Variants in HACD2 observed in about 807,000 individuals in gnomAD.
HACD2 encodes very-long-chain (3R)-3-hydroxyacyl-CoA dehydratase 2.
Under a neutral mutation model 31.0 loss-of-function variants are expected in HACD2, and 15 were observed. The ratio of observed to expected loss-of-function variants is 0.48; its 90% CI spans 0.32 to 0.75. The LOEUF (loss-of-function observed/expected upper bound fraction) is 0.75. Ranked by LOEUF, HACD2 falls within the 30% of genes least tolerant of loss-of-function variation. The pLI, the probability that HACD2 is intolerant of heterozygous loss-of-function variation, is 0.03. For synonymous variants in HACD2, 115 were observed against 122.2 expected (o/e 0.94, Z 0.39); for missense variants, 283 against 313.0 (o/e 0.90, Z 0.72).
At chr3:123,563,239 G>A (rs1311076754) in intron 3 of HACD2, among the ~76,000 whole-genome samples, 1 of 152,212 alleles carries the variant, frequency 6.6e-6, no homozygotes, top group African/African-American at 2.4e-5. Flanking sequence ...TATTATAGAA[G>A]AGTGAGGAAG....
At chr3:123,573,111 A>G (rs920436643) in intron 2 of HACD2, among the ~76,000 whole-genome samples, 3 of 152,190 alleles carry the variant, frequency 2.0e-5, no homozygotes, top group Non-Finnish European at 2.9e-5. Context: ...GTCCATAACC[A>G]ATTTGAGTTA....
intron 3 of HACD2, among the ~76,000 whole-genome samples, chr3:123,537,197 A>T (rs1257200922): frequency 1.3e-5 from 2 of 152,236 alleles, no homozygotes; most frequent in African/African-American, 4.8e-5. Context: ...AAATGTCCTT[A>T]ATAGAGTTAA....
Position 123,500,629 on chromosome 3 carries a change from C to A in HACD2, c.568G>T (p.Ala190Ser). The change falls in exon 6 of 7, where the codon GCT becomes TCT. Residue 190 changes from alanine (A) to serine (S), a missense_variant. Around this residue, in one of 3 missense-constraint regions of HACD2, gnomAD observed 85 missense variants for 129.6 expected, o/e 0.66. Transcript: ENST00000383657. ...CCAGCTTGTCTGACAAAGGGCAGAG[C>A]TGCATATATTGTGAGCAGTTCTCCT... Reference protein sequence around the residue: ...VSGELLTIYAALPFVRQAGLY... With the variant: ...VSGELLTIYASLPFVRQAGLY... 1 of 1,613,420 alleles carries A rather than the reference C, an allele frequency of 6.2e-7. No homozygotes were observed. The highest frequency in any genetic ancestry group is 8.5e-7 in the Non-Finnish European group (1 of 1,179,454).
At chr3:123,539,891 T>C (rs1206141305) in intron 3 of HACD2, among the ~76,000 whole-genome samples, 1 of 105,566 alleles carries the variant, frequency 9.5e-6, no homozygotes, top group Non-Finnish European at 1.7e-5. Context: ...CTGGGAAACA[T>C]GGCAAGGCCT....
chr3:123,515,518 A>G (rs2056123231), intron 4 of HACD2, among the ~76,000 whole-genome samples: 1 of 152,110 alleles, frequency 6.6e-6, no homozygotes, highest in African/African-American at 2.4e-5. Context: ...GGCAGCTCCT[A>G]AGGGGCTGCA....
At chr3:123,507,384 A>C (rs2055989978) in intron 4 of HACD2, among the ~76,000 whole-genome samples, 1 of 151,908 alleles carries the variant, frequency 6.6e-6, no homozygotes. Context: ...GATAAACGAC[A>C]AGTGATATAT....
In HACD2 at chr3:123,500,550, G is replaced by C. The variant is rs2055890015; in HGVS notation, c.647C>G (p.Ala216Gly). Reference sequence around the variant, plus strand: ...GGAGATCATTATTAGAATCAGGAATGCATAGTAGTCAAAAGAGAAATTGTA... The same window carrying C: ...GGAGATCATTATTAGAATCAGGAATCCATAGTAGTCAAAAGAGAAATTGTA... ...NKYNFSFDYY[A>G]FLILIMISYI... is the part of the protein sequence containing the mutation. Residue 216 changes from alanine (A) to glycine (G), a missense_variant, in exon 6 of 7, where the codon GCA (alanine) becomes GGA (glycine). This residue lies in a region of HACD2 where 85 missense variants were observed against 129.6 expected (regional missense o/e 0.66). Transcript: ENST00000383657. 1 of 1,608,506 alleles carries C rather than the reference G, an allele frequency of 6.2e-7. No homozygotes were observed. Among genetic ancestry groups the C allele is most frequent in the Non-Finnish European group, 8.5e-7 (1 of 1,175,134 alleles).
chr3:123,531,642 C>CCA (rs72255180), intron 3 of HACD2, among the ~76,000 whole-genome samples: 24 of 152,036 alleles, frequency 1.6e-4, no homozygotes, highest in East Asian at 3.9e-4. Context: ...GCTTTAGTAT[C>CCA]CACACACACA....
At chr3:123,534,334 G>GTA (rs2056400235) in intron 3 of HACD2, among the ~76,000 whole-genome samples, 1 of 152,000 alleles carries the variant, frequency 6.6e-6, no homozygotes, top group South Asian at 2.1e-4. Flanking sequence ...AGACTATAAT[G>GTA]GAGCTGAAAA....
intron 3 of HACD2, among the ~76,000 whole-genome samples, chr3:123,534,889 G>A (rs2056407397): frequency 6.6e-6 from 1 of 151,698 alleles, no homozygotes; most frequent in Non-Finnish European, 1.5e-5. Context: ...GAATAAGGAC[G>A]TAAAGTATTT....
Position 123,494,597 on chromosome 3 carries a change from C to T in HACD2, c.*291G>A. Reference sequence around the variant, plus strand: ...CTTCATTGATCAGATACATGAAGGACACAGAAGGACATAAAATGCCAAATC... The same window carrying T: ...CTTCATTGATCAGATACATGAAGGATACAGAAGGACATAAAATGCCAAATC... On this transcript the variant is annotated 3_prime_UTR_variant, in exon 7 of 7. Coordinates refer to ENST00000383657, the MANE Select transcript of HACD2 (RefSeq NM_198402.5). The T allele has an allele frequency of 2.4e-6, 1 of 421,688 alleles. No individual in the cohort carries two copies. Among genetic ancestry groups the T allele is most frequent in the South Asian group, 2.4e-5 (1 of 42,548 alleles). The allele number at this position is 421,688 out of a possible 1,614,324, so 26.1% of individuals were successfully genotyped here.
At chr3:123,497,121 C>G (rs1036948334) in intron 6 of HACD2, among the ~76,000 whole-genome samples, 2 of 152,238 alleles carry the variant, frequency 1.3e-5, no homozygotes, top group African/African-American at 4.8e-5. Context: ...CTGACCAGAA[C>G]TATGATTCTG....
rs186111533 is a variant in HACD2, at chr3:123,531,289, C to G, written c.293-2815G>C. Among the ~76,000 whole-genome samples, 198 of 151,682 alleles carry G rather than the reference C, an allele frequency of 1.3e-3. 4 individuals are homozygous for G. Among genetic ancestry groups the G allele is most frequent in the East Asian group, 9.7e-4 (5 of 5,152 alleles). On this transcript the variant is annotated intron_variant, in intron 3 of 6. Transcript: ENST00000383657. ...TATAAATTTGTATTTGTCTCCCTTT[C>G]AAAAATGCCATACATAAATTAACAG... is the stretch of plus-strand genomic sequence containing the variant.
chr3:123,512,919 G>C (rs962540250), intron 4 of HACD2, among the ~76,000 whole-genome samples: 4 of 152,174 alleles, frequency 2.6e-5, no homozygotes, highest in African/African-American at 9.7e-5. Flanking sequence ...GTAGCAGTGA[G>C]CACCTCATCT....
intron 5 of HACD2, 128 bp from the exon 6 acceptor site, chr3:123,500,821 G>T: frequency 1.9e-6 from 1 of 524,172 alleles, no homozygotes; most frequent in Non-Finnish European, 3.1e-6. Context: ...CTGTTTACCT[G>T]CTACTCAAAT....
At chr3:123,568,631 C>T (rs2056820543) in intron 2 of HACD2, among the ~76,000 whole-genome samples, 1 of 152,166 alleles carries the variant, frequency 6.6e-6, no homozygotes, top group African/African-American at 2.4e-5. Flanking sequence ...TCTAAATCCC[C>T]TTCCAACTCA....
At chr3:123,532,009 T>C (rs760433810) in intron 3 of HACD2, among the ~76,000 whole-genome samples, 42 of 152,224 alleles carry the variant, frequency 2.8e-4, no homozygotes, top group Non-Finnish European at 6.2e-4. Context: ...ATGGCATGAA[T>C]GTTTTTAAGG....
chr3:123,527,284 TTC>T (rs2056296365), intron 4 of HACD2, among the ~76,000 whole-genome samples: 1 of 152,182 alleles, frequency 6.6e-6, no homozygotes, highest in Non-Finnish European at 1.5e-5. Flanking sequence ...TTTCCGTAGC[TTC>T]TGTTACACCT....
At chr3:123,566,033 G>A (rs1011441271) in intron 3 of HACD2, among the ~76,000 whole-genome samples, 2 of 152,070 alleles carry the variant, frequency 1.3e-5, no homozygotes, top group African/African-American at 2.4e-5. Flanking sequence ...CAGACCACGG[G>A]ACAGATGAGC....
Sources: gnomAD v4.1 joint callset for allele counts (sites outside exome capture counted in the v4.1 genomes callset) on GRCh38, gnomAD v4.1.1 for gene constraint, gnomAD v4.1.1 regional missense constraint, MANE v1.5 for transcripts, NCBI Gene and HGNC (gene_info 2026-07-23, HGNC 2026-07-21) for gene names.